Variants in DPP10 observed in about 807,000 individuals in gnomAD.
DPP10 encodes the protein inactive dipeptidyl peptidase 10.
Under a neutral mutation model 120.9 loss-of-function variants are expected in DPP10, and 33 were observed. The observed-to-expected ratio is 0.27, with a 90% CI of 0.21 to 0.37. DPP10 has a LOEUF of 0.37. DPP10 is among the 10% of genes least tolerant of loss of function. DPP10 has a pLI of 1.00. For synonymous variants in DPP10, 337 were observed against 326.1 expected, an observed-to-expected ratio of 1.03 and a Z score of -0.36; for missense variants, 816 against 942.8, an observed-to-expected ratio of 0.87 and a Z score of 1.76.
chr2:114,526,150 T>C (rs1685480846), intron 1 of DPP10, among the ~76,000 whole-genome samples: 1 of 152,216 alleles, frequency 6.6e-6, no homozygotes, highest in Non-Finnish European at 1.5e-5. Context: ...ATTCATCATT[T>C]CTGGGGCACT....
chr2:115,689,272 A>G (rs1034317047), intron 5 of DPP10, among the ~76,000 whole-genome samples: 2 of 152,190 alleles, frequency 1.3e-5, no homozygotes, highest in African/African-American at 4.8e-5. Flanking sequence ...AGTTCAGGAC[A>G]CACAGGGAGA....
intron 5 of DPP10, among the ~76,000 whole-genome samples, chr2:115,629,793 T>G (rs1394085122): frequency 6.6e-6 from 1 of 152,192 alleles, no homozygotes; most frequent in Non-Finnish European, 1.5e-5. Flanking sequence ...CCATGCTGTT[T>G]TGGTTACTGT....
chr2:114,664,661 T>C (rs1461384897), intron 1 of DPP10, among the ~76,000 whole-genome samples: 1 of 145,330 alleles, frequency 6.9e-6, no homozygotes, highest in African/African-American at 2.5e-5. Flanking sequence ...AAGAAAGAAA[T>C]TCATCTTTCT....
rs531173687 is a variant in DPP10, at chr2:114,895,271, G to A, written c.61-413968G>A. ...AATATTTGCAAAATTCACAATCTAT[G>A]AAGAATTACACAAATGTGGATGACA... On this transcript the variant is annotated intron_variant, in intron 1 of 25. Transcript: ENST00000410059. 2.4e-4 allele frequency among the ~76,000 whole-genome samples: 37 copies of A among 152,302 alleles called. No individual in the cohort carries two copies. The South Asian group carries it at 5.6e-3, about 23-fold the overall frequency.
chr2:115,248,475 C>T (rs1474853810), intron 1 of DPP10, among the ~76,000 whole-genome samples: 2 of 151,962 alleles, frequency 1.3e-5, no homozygotes, highest in African/African-American at 4.8e-5. Flanking sequence ...GTCAATCCTG[C>T]TTGCCCATCA....
chr2:114,722,889 A>T (rs1208290893), intron 1 of DPP10, among the ~76,000 whole-genome samples: 1 of 152,052 alleles, frequency 6.6e-6, no homozygotes, highest in African/African-American at 2.4e-5. Flanking sequence ...CAGATTAACA[A>T]GACAATTCCT....
intron 1 of DPP10, among the ~76,000 whole-genome samples, chr2:115,146,378 T>C (rs563391756): frequency 6.6e-6 from 1 of 152,288 alleles, no homozygotes; most frequent in South Asian, 2.1e-4. Context: ...AGTAGCAGTT[T>C]TGATACTTTG....
chr2:114,667,367 A>G (rs1328478537), intron 1 of DPP10, among the ~76,000 whole-genome samples: 1 of 152,166 alleles, frequency 6.6e-6, no homozygotes, highest in Admixed American at 6.5e-5. Context: ...CTTTGTTGGT[A>G]TCTTTCTAGT....
At chr2:114,540,902 C>A in intron 1 of DPP10, among the ~76,000 whole-genome samples, 1 of 152,132 alleles carries the variant, frequency 6.6e-6, no homozygotes, top group African/African-American at 2.4e-5. Flanking sequence ...CTGTGAACTG[C>A]CTTCAGAAAT....
At position 114,570,329 on chromosome 2, in the gene DPP10, C is replaced by A. The variant is rs375394231; in HGVS notation, c.60+127491C>A. Among the ~76,000 whole-genome samples the A allele has an allele frequency of 6.6e-5, 10 of 151,892 alleles. 1 individual carries two copies. In the East Asian group the frequency reaches 1.4e-3, roughly 21 times the overall value. On this transcript the variant is annotated intron_variant, in intron 1 of 25. Coordinates refer to ENST00000410059, the MANE Select transcript of DPP10 (RefSeq NM_020868.6). ...TGTAGTCTGGGTACTATATCTCACT[C>A]AAAGATAAATGGGAAAGGGCAGTTC...
chr2:115,633,097 T>C (rs2086019400), intron 5 of DPP10, among the ~76,000 whole-genome samples: 1 of 152,188 alleles, frequency 6.6e-6, no homozygotes, highest in Non-Finnish European at 1.5e-5. Flanking sequence ...ATCCAAAGGA[T>C]TATAAATCAT....
At chr2:115,358,777 A>G (rs113674262) in intron 3 of DPP10, among the ~76,000 whole-genome samples, 8,712 of 152,276 alleles carry the variant, frequency 0.057, 345 homozygotes, top group Middle Eastern at 0.099. Flanking sequence ...GGAAGGCCTC[A>G]GGCAACTTAC....
At chr2:115,808,403 G>T (rs747556460) in intron 19 of DPP10, among the ~76,000 whole-genome samples, 1 of 152,126 alleles carries the variant, frequency 6.6e-6, no homozygotes, top group Non-Finnish European at 1.5e-5. Context: ...GTCAGATTTG[G>T]GTGGCTCAGC....
At chr2:115,184,636 A>G (rs1236955722) in intron 1 of DPP10, among the ~76,000 whole-genome samples, 1 of 152,216 alleles carries the variant, frequency 6.6e-6, no homozygotes, top group Non-Finnish European at 1.5e-5. Flanking sequence ...TTGGTCTTTG[A>G]CGTTCTTGGA....
intron 19 of DPP10, among the ~76,000 whole-genome samples, chr2:115,795,001 A>C (rs1684389062): frequency 6.6e-6 from 1 of 152,114 alleles, no homozygotes; most frequent in Non-Finnish European, 1.5e-5. Flanking sequence ...TGTTCAGTCT[A>C]TCTCCGCAAT....
At chr2:115,762,347 T>C (rs1342445113) in intron 11 of DPP10, among the ~76,000 whole-genome samples, 1 of 151,366 alleles carries the variant, frequency 6.6e-6, no homozygotes, top group African/African-American at 2.4e-5. Flanking sequence ...CTGGGAATTC[T>C]GAAAGAATTC....
intron 1 of DPP10, among the ~76,000 whole-genome samples, chr2:115,307,500 G>A (rs1349653328): frequency 6.6e-6 from 1 of 152,100 alleles, no homozygotes; most frequent in East Asian, 1.9e-4. Flanking sequence ...TTAATAAATA[G>A]GAAAGTATTT....
chr2:115,126,966 T>C (rs184892834), intron 1 of DPP10, among the ~76,000 whole-genome samples: 18 of 152,322 alleles, frequency 1.2e-4, no homozygotes, highest in Non-Finnish European at 1.5e-4. Context: ...TTCTATAGAC[T>C]TTCCAAACAA....
At chr2:115,499,088 C>T (rs1376695740) in intron 3 of DPP10, among the ~76,000 whole-genome samples, 1 of 151,966 alleles carries the variant, frequency 6.6e-6, no homozygotes, top group Non-Finnish European at 1.5e-5. Context: ...GAGAATGATT[C>T]AATCTTAGGA....
Sources: gnomAD v4.1 joint callset for allele counts (sites outside exome capture counted in the v4.1 genomes callset) on GRCh38, gnomAD v4.1.1 for gene constraint, MANE v1.5 for transcripts, NCBI Gene and HGNC (gene_info 2026-07-23, HGNC 2026-07-21) for gene names.